AATK: variants seen among roughly 807,000 people sequenced by gnomAD.
AATK encodes the protein lemur tail kinase 1.
AATK carries 91 observed loss-of-function variants against 114.3 expected under a neutral mutation model. The ratio of observed to expected loss-of-function variants is 0.80; its 90% confidence interval spans 0.67 to 0.95. AATK has a LOEUF of 0.95. Ranked by LOEUF, AATK falls within the 40% of genes least tolerant of loss-of-function variation. The pLI, the probability that AATK is intolerant of heterozygous loss-of-function variation, is 0.00. For synonymous variants in AATK, 1,075 were observed against 916.5 expected (o/e 1.17, Z -3.12); for missense variants, 2,176 against 1,965.2 (o/e 1.11, Z -2.03).
intron 1 of AATK, among the ~76,000 whole-genome samples, chr17:81,162,279 C>T (rs1278250114): frequency 6.6e-6 from 1 of 151,570 alleles, no homozygotes; most frequent in Admixed American, 6.6e-5. Flanking sequence ...CGGTGGGAGA[C>T]CTGAGACCTG....
chr17:81,157,606 G>A (rs1006235534), intron 1 of AATK, among the ~76,000 whole-genome samples: 1 of 152,164 alleles, frequency 6.6e-6, no homozygotes, highest in Non-Finnish European at 1.5e-5. Flanking sequence ...GGACGGAAGT[G>A]AGTTCCACCA....
rs573922340 is a variant in AATK at position 81,165,945 on chromosome 17, G to T, written c.48C>A (p.Phe16Leu). 2 of 1,582,750 alleles carry T rather than the reference G, an allele frequency of 1.3e-6. No homozygotes were observed. Among genetic ancestry groups the T allele is most frequent in the East Asian group, 2.3e-5 (1 of 42,916 alleles). ...FNPSFAFSSHFDPDGAPLSEL... is the reference protein window; with the variant it reads ...FNPSFAFSSHLDPDGAPLSEL... ...GGGCCGCCAGGGACTCACCGGGGTC[G>T]AAGTGCGAGCTGAAGGCGAAGCTGG... The change falls in exon 1 of 14, where the codon TTC becomes TTA. Residue 16 changes from phenylalanine to leucine, a missense_variant. By Grantham distance (22) the Phe-to-Leu change is conservative. Coordinates refer to ENST00000326724, the MANE Select transcript of AATK (RefSeq NM_001080395.3).
intron 1 of AATK, among the ~76,000 whole-genome samples, chr17:81,137,265 A>AC (rs2061025341): frequency 6.6e-6 from 1 of 151,666 alleles, no homozygotes; most frequent in Non-Finnish European, 1.5e-5. Flanking sequence ...CTTAAAAAAA[A>AC]AAAAAAAAGG....
chr17:81,126,544 T>C lies in AATK; in HGVS notation c.638A>G (p.Tyr213Cys). The C allele has an allele frequency of 6.5e-7, 1 of 1,546,176 alleles. No homozygotes were observed. The highest frequency in any genetic ancestry group is 1.2e-5 in the South Asian group (1 of 83,934). ...CTCCGCCACCCGGCAGCTCCGCAGG[T>C]AGCCCTTGAGGTCCCCCTGCAGAAA... Reference protein sequence around the residue: ...EFCPLGDLKGYLRSCRVAESM... With the variant: ...EFCPLGDLKGCLRSCRVAESM... The change falls in exon 7 of 14, where the codon TAC becomes TGC. Residue 213 changes from tyrosine (Y) to cysteine (C), a missense_variant. Physicochemically the swap from Tyr to Cys is radical, Grantham distance 194. Transcript: ENST00000326724. This position sits in a 1 kb window ranked among gnomAD's most constrained non-coding sequence, Gnocchi z 5.1.
rs745772551 is a variant in AATK at position 81,122,121 on chromosome 17, G to A, written c.1815C>T (p.Cys605=). The stretch of plus-strand genomic sequence containing the variant: ...CCGAGGGCGAGGGAGAGCGTGAGGG[G>A]CAGAGCGGGTCCCGCGCCAAGCTTC... The part of the protein sequence containing the change: ...PRRSLARDPL[C]PSRSPSPSAG... Residue 605 remains cysteine, a synonymous_variant, in exon 11 of 14, where the codon TGC becomes TGT. Transcript: ENST00000326724. 7 of 1,550,356 alleles carry A rather than the reference G, an allele frequency of 4.5e-6. No homozygotes were observed. The highest frequency in any genetic ancestry group is 2.4e-5 in the East Asian group (1 of 42,334).
Position 81,118,442 on chromosome 17 carries a change from C to A in AATK, c.4085G>T (p.Gly1362Val). The change falls in exon 14 of 14, where the codon GGA (glycine) becomes GTA (valine). Residue 1362 changes from glycine to valine, a missense_variant and splice_region_variant. Gly to Val is a moderately radical substitution (Grantham distance 109). Coordinates refer to ENST00000326724, the MANE Select transcript of AATK (RefSeq NM_001080395.3). ...VSDSDAESKRGPEAGAGGESK... is the reference protein window; with the variant it reads ...VSDSDAESKRVPEAGAGGESK... Reference sequence around the variant, plus strand: ...CTCACCCCCGGCACCAGCTTCAGGTCCTGGCAAGCAGGACAACAAAGTGAA... The same window carrying A: ...CTCACCCCCGGCACCAGCTTCAGGTACTGGCAAGCAGGACAACAAAGTGAA... 6.2e-7 allele frequency: 1 copy of A among 1,606,676 alleles called. No homozygotes were observed. The highest frequency in any genetic ancestry group is 1.1e-5 in the South Asian group (1 of 89,532).
chr17:81,157,508 C>G (rs1245235508), intron 1 of AATK, among the ~76,000 whole-genome samples: 1 of 152,156 alleles, frequency 6.6e-6, no homozygotes, highest in East Asian at 1.9e-4. Context: ...CCGGGGGTTA[C>G]CACCCCAGCA....
At chr17:81,150,989 C>T (rs565859441) in intron 1 of AATK, among the ~76,000 whole-genome samples, 10 of 152,162 alleles carry the variant, frequency 6.6e-5, no homozygotes, top group Non-Finnish European at 1.3e-4. Flanking sequence ...TTGTCTGTTA[C>T]GAATACCCCT....
intron 5 of AATK, 26 bp downstream of exon 5, chr17:81,127,766 G>C: frequency 6.7e-7 from 1 of 1,501,646 alleles, no homozygotes; most frequent in Non-Finnish European, 9.1e-7. Context: ...GCACAGCACA[G>C]GCCTTTGTGC....
chr17:81,140,931 G>GGACTGTGA (rs1567819913), intron 1 of AATK, among the ~76,000 whole-genome samples: 1 of 109,978 alleles, frequency 9.1e-6, no homozygotes, highest in Non-Finnish European at 2.1e-5. Flanking sequence ...GGGACCGTGG[G>GGACTGTGA]ACCATGGGGC....
chr17:81,128,630 C>A, intron 3 of AATK, 81 bp from the exon 4 acceptor site: 1 of 1,535,918 alleles, frequency 6.5e-7, no homozygotes, highest in Non-Finnish European at 8.8e-7. Context: ...GGAGGGGCTG[C>A]CCGCTTGGCC....
chr17:81,160,175 C>T, intron 1 of AATK: 2 of 824,766 alleles, frequency 2.4e-6, no homozygotes, highest in Non-Finnish European at 2.9e-6. Context: ...CTGGCCACGG[C>T]CCCCACCCCC....
chr17:81,165,889 C>T, intron 1 of AATK, 49 bp downstream of exon 1: 3 of 1,552,700 alleles, frequency 1.9e-6, no homozygotes, highest in Non-Finnish European at 1.7e-6. Flanking sequence ...GCATCACGTC[C>T]GCAGCGGAGG....
intron 1 of AATK, 48 bp downstream of exon 1, chr17:81,165,884 ACGTCCG>A (rs2061483770): frequency 1.3e-6 from 2 of 1,549,336 alleles, no homozygotes; most frequent in Non-Finnish European, 1.7e-6. Context: ...CAGGGGCATC[ACGTCCG>A]CAGCGGAGGG....
At position 81,157,677 on chromosome 17, in the gene AATK, G is replaced by A. The variant is rs540745486; in HGVS notation, c.55+8261C>T. Among the ~76,000 whole-genome samples the A allele has an allele frequency of 3.3e-5, 5 of 152,314 alleles. No individual in the cohort carries two copies. In the East Asian group the frequency reaches 9.6e-4, roughly 29 times the overall value. ...ACAACACACAGCCCAGGCCCAGCCTGCATCAGCATCAGATGCCCCAGGGCC... is the reference window on the plus strand; with the variant it reads ...ACAACACACAGCCCAGGCCCAGCCTACATCAGCATCAGATGCCCCAGGGCC... On this transcript the variant is annotated intron_variant, in intron 1 of 13. Coordinates refer to ENST00000326724, the MANE Select transcript of AATK (RefSeq NM_001080395.3).
At position 81,147,859 on chromosome 17, in the gene AATK, C is replaced by T. The variant is rs750104526; in HGVS notation, c.56-13358G>A. On this transcript the variant is annotated intron_variant, in intron 1 of 13. Coordinates refer to ENST00000326724, the MANE Select transcript of AATK (RefSeq NM_001080395.3). Reference sequence around the variant, plus strand: ...TCCCAGGACCAGGGCATGAGGGAAACGTGTCATCGTGACTGTAGGGCCTGG... The same window carrying T: ...TCCCAGGACCAGGGCATGAGGGAAATGTGTCATCGTGACTGTAGGGCCTGG... Among the ~76,000 whole-genome samples, 7 of 152,092 alleles carry T rather than the reference C, an allele frequency of 4.6e-5. No individual in the cohort carries two copies. In the South Asian group the frequency reaches 6.2e-4, roughly 13 times the overall value.
intron 3 of AATK, among the ~76,000 whole-genome samples, chr17:81,129,857 C>T (rs1210889631): frequency 1.3e-5 from 2 of 152,232 alleles, no homozygotes; most frequent in Non-Finnish European, 2.9e-5. Context: ...TGGCTGCAGT[C>T]CTCCGCGCCC....
In AATK at chr17:81,120,360, C is replaced by G; in HGVS notation, c.3576G>C (p.Pro1192=). 4 of 1,609,786 alleles carry G rather than the reference C, an allele frequency of 2.5e-6. No homozygotes were observed. Among genetic ancestry groups the G allele is most frequent in the Non-Finnish European group, 3.4e-6 (4 of 1,178,980 alleles). The change falls in exon 11 of 14, where the codon CCG becomes CCC. Residue 1192 remains proline (P), a synonymous_variant. Coordinates refer to ENST00000326724, the MANE Select transcript of AATK (RefSeq NM_001080395.3). The stretch of plus-strand genomic sequence containing the variant: ...TCTCAGCCACCACCACGGGCACCGC[C>G]GGCGCCTCCTCTTCGCTGTCCTCGC... ...EPSEDSEEEA[P]AVPVVVAESQ... is the part of the protein sequence containing the mutation.
chr17:81,144,540 C>T (rs2061188495), intron 1 of AATK, among the ~76,000 whole-genome samples: 1 of 152,238 alleles, frequency 6.6e-6, no homozygotes, highest in Admixed American at 6.5e-5. Context: ...GGGCAGGGGG[C>T]CCGCAGGAGC....
Sources: gnomAD v4.1 joint callset for allele counts (sites outside exome capture counted in the v4.1 genomes callset) on GRCh38, gnomAD v4.1.1 for gene constraint, Gnocchi (gnomAD v3.1) non-coding constraint, MANE v1.5 for transcripts, NCBI Gene and HGNC (gene_info 2026-07-23, HGNC 2026-07-21) for gene names.